CAMK2D: variants seen among roughly 807,000 people sequenced by gnomAD.
The protein encoded by CAMK2D is calcium/calmodulin dependent protein kinase II delta, also known as calcium/calmodulin-dependent protein kinase type II subunit delta.
Under a neutral mutation model 84.0 loss-of-function variants are expected in CAMK2D, and 37 were observed. The observed-to-expected ratio is 0.44, with a 90% CI of 0.34 to 0.58. The LOEUF (loss-of-function observed/expected upper bound fraction) is 0.58. Among genes scored for constraint, CAMK2D ranks in the 20% least tolerant of loss-of-function variants. The probability of loss-of-function intolerance (pLI) is 0.02; values close to 1 mark genes in which losing one functional copy is unlikely to be tolerated. For missense variants in CAMK2D, 448 were observed against 652.5 expected (o/e 0.69, Z 3.41); for synonymous variants, 202 against 212.5 (o/e 0.95, Z 0.43).
At chr4:113,529,705 T>G (rs2098445351) in intron 8 of CAMK2D, among the ~76,000 whole-genome samples, 1 of 152,222 alleles carries the variant, frequency 6.6e-6, no homozygotes, top group East Asian at 1.9e-4. Flanking sequence ...ATACTGTTTT[T>G]GATTTGAGTT....
intron 2 of CAMK2D, among the ~76,000 whole-genome samples, chr4:113,699,920 T>A (rs925621656): frequency 2.0e-5 from 3 of 152,232 alleles, no homozygotes; most frequent in Non-Finnish European, 4.4e-5. Context: ...ATGAGTCATG[T>A]TAAGAAGATA....
intron 17 of CAMK2D, among the ~76,000 whole-genome samples, chr4:113,462,008 G>A (rs913866555): frequency 2.0e-5 from 3 of 152,112 alleles, no homozygotes; most frequent in African/African-American, 7.2e-5. Context: ...TTGCCTGCTG[G>A]GCAGGCATTT....
intron 3 of CAMK2D, among the ~76,000 whole-genome samples, chr4:113,644,585 A>C (rs191696729): frequency 6.6e-6 from 1 of 152,318 alleles, no homozygotes; most frequent in Admixed American, 6.5e-5. Flanking sequence ...AGGTAACAAT[A>C]AGACCAACAG....
intron 8 of CAMK2D, among the ~76,000 whole-genome samples, chr4:113,526,245 T>C (rs572019810): frequency 3.0e-4 from 45 of 152,234 alleles, no homozygotes; most frequent in Non-Finnish European, 6.0e-4. Flanking sequence ...TGGAAATTGG[T>C]GGCACATACA....
At chr4:113,515,242 A>AAAC (rs775344312) in intron 9 of CAMK2D, 51 bp from the exon 10 acceptor site, 2 of 1,325,068 alleles carry the variant, frequency 1.5e-6, no homozygotes, top group Admixed American at 2.1e-5. Flanking sequence ...ACACTCGATC[A>AAAC]AACAGGGAAG....
chr4:113,539,350 A>T (rs1041314876), intron 6 of CAMK2D, among the ~76,000 whole-genome samples: 1 of 152,220 alleles, frequency 6.6e-6, no homozygotes, highest in Admixed American at 6.5e-5. Context: ...CCACAGACTC[A>T]TTCAAAAAAA....
At chr4:113,603,889 G>A (rs115626532) in intron 4 of CAMK2D, among the ~76,000 whole-genome samples, 9,116 of 148,624 alleles carry the variant, frequency 0.061, 500 homozygotes, top group East Asian at 0.2. Context: ...GAGACCGGAA[G>A]TTTGAGACCA....
intron 16 of CAMK2D, among the ~76,000 whole-genome samples, chr4:113,473,326 C>T (rs1371111435): frequency 2.0e-5 from 3 of 152,138 alleles, no homozygotes; most frequent in Non-Finnish European, 4.4e-5. Flanking sequence ...AAAAAGGTGC[C>T]TATCAATTCA....
intron 16 of CAMK2D, among the ~76,000 whole-genome samples, chr4:113,487,430 C>G (rs1005691312): frequency 3.3e-5 from 5 of 152,058 alleles, no homozygotes; most frequent in African/African-American, 1.2e-4. Flanking sequence ...CATTATTTCA[C>G]TCAAGCAATT....
chr4:113,710,592 GA>G (rs2099489181), intron 2 of CAMK2D, among the ~76,000 whole-genome samples: 1 of 152,164 alleles, frequency 6.6e-6, no homozygotes, highest in African/African-American at 2.4e-5. Context: ...TATTTAGATT[GA>G]TATAGCAAAG....
chr4:113,542,046 G>A (rs1330734765), intron 6 of CAMK2D, among the ~76,000 whole-genome samples: 1 of 152,134 alleles, frequency 6.6e-6, no homozygotes, highest in Non-Finnish European at 1.5e-5. Flanking sequence ...ATGCATATAT[G>A]AGCAAGTTCA....
At chr4:113,539,872 A>AC (rs1452780532) in intron 6 of CAMK2D, among the ~76,000 whole-genome samples, 1 of 152,224 alleles carries the variant, frequency 6.6e-6, no homozygotes, top group Admixed American at 6.5e-5. Context: ...TAGGATGATT[A>AC]CTAAAATTTA....
At chr4:113,585,595 A>G (rs534556580) in intron 4 of CAMK2D, among the ~76,000 whole-genome samples, 13 of 152,276 alleles carry the variant, frequency 8.5e-5, no homozygotes, top group African/African-American at 3.1e-4. Context: ...TTTCTCTGAT[A>G]ATGACTGAAT....
chr4:113,730,650 T>C (rs2099564998), intron 2 of CAMK2D, among the ~76,000 whole-genome samples: 1 of 152,196 alleles, frequency 6.6e-6, no homozygotes, highest in Non-Finnish European at 1.5e-5. Context: ...TTTTCCACCA[T>C]ACAAAACTTT....
intron 4 of CAMK2D, among the ~76,000 whole-genome samples, chr4:113,556,697 C>A (rs2098667221): frequency 6.6e-6 from 1 of 152,106 alleles, no homozygotes. Context: ...AGGGGCTCCC[C>A]AAAGACCCCT....
chr4:113,505,978 C>T (rs897262075), intron 13 of CAMK2D, among the ~76,000 whole-genome samples: 7 of 152,044 alleles, frequency 4.6e-5, no homozygotes, highest in African/African-American at 1.2e-4. Context: ...ACTTACATTA[C>T]GGTTCTCAAA....
intron 3 of CAMK2D, among the ~76,000 whole-genome samples, chr4:113,613,341 C>T (rs192412649): frequency 1.5e-4 from 23 of 152,182 alleles, no homozygotes; most frequent in Admixed American, 1.3e-3. Context: ...ACTGAGAATA[C>T]TACGTGGGCT....
chr4:113,508,039 A>G (rs576183931), intron 13 of CAMK2D, among the ~76,000 whole-genome samples: 1 of 152,356 alleles, frequency 6.6e-6, no homozygotes, highest in African/African-American at 2.4e-5. Flanking sequence ...TATACTATCT[A>G]CATGTATAAC....
intron 2 of CAMK2D, among the ~76,000 whole-genome samples, chr4:113,745,929 G>C (rs1158309320): frequency 2.0e-5 from 3 of 152,140 alleles, no homozygotes; most frequent in African/African-American, 7.2e-5. Context: ...TGCCACACGG[G>C]GATGGCAGGC....
Sources: allele counts gnomAD v4.1 joint callset (sites outside exome capture counted in the v4.1 genomes callset), GRCh38; gene constraint gnomAD v4.1.1; transcripts MANE v1.5; gene names NCBI Gene and HGNC (gene_info 2026-07-23, HGNC 2026-07-21).